DENND2B: variants seen among roughly 807,000 people sequenced by gnomAD.
DENND2B encodes DENN domain-containing protein 2B.
DENND2B carries 32 observed loss-of-function variants against 116.0 expected under a neutral mutation model. The observed-to-expected ratio is 0.28, with a 90% CI of 0.21 to 0.37. The LOEUF is 0.37. Among genes scored for constraint, DENND2B ranks in the 10% least tolerant of loss-of-function variants. The probability of loss-of-function intolerance (pLI) is 1.00; values close to 1 mark genes in which losing one functional copy is unlikely to be tolerated. For synonymous variants in DENND2B, 588 were observed against 583.9 expected, an observed-to-expected ratio of 1.01 and a Z score of -0.10; for missense variants, 1,276 against 1,477.7, an observed-to-expected ratio of 0.86 and a Z score of 2.24.
At chr11:8,708,421 A>G in intron 11 of DENND2B, 1 of 800,922 alleles carries the variant, frequency 1.2e-6, no homozygotes, top group Non-Finnish European at 1.5e-6. Flanking sequence ...GGACTTTACA[A>G]GAGATTTGTG....
At chr11:8,799,553 CTTTTTCTCTTTT>C (rs2060129637) in intron 1 of DENND2B, among the ~76,000 whole-genome samples, 1 of 136,882 alleles carries the variant, frequency 7.3e-6, no homozygotes, top group Admixed American at 8.7e-5. Context: ...TACCATCCTC[CTTTTTCTCTTTT>C]TTTTTTTTTT....
intron 16 of DENND2B, among the ~76,000 whole-genome samples, chr11:8,698,702 C>T (rs1230075925): frequency 2.6e-5 from 4 of 152,260 alleles, no homozygotes; most frequent in South Asian, 2.1e-4. Flanking sequence ...ACTCCCAGGC[C>T]GTGTTCTTCA....
chr11:8,698,907 A>G (rs759599610), intron 16 of DENND2B, 26 bp downstream of exon 16: 48 of 1,613,940 alleles, frequency 3.0e-5, no homozygotes, highest in Middle Eastern at 1.6e-4. Context: ...CAGGAGCCCA[A>G]CTCTAGCAAG....
At chr11:8,825,286 CT>C (rs1182708579) in intron 4 of DENND2B, among the ~76,000 whole-genome samples, 1 of 151,992 alleles carries the variant, frequency 6.6e-6, no homozygotes, top group Non-Finnish European at 1.5e-5. Context: ...TGATGTTGAG[CT>C]TTTTTTCATA....
intron 4 of DENND2B, among the ~76,000 whole-genome samples, chr11:8,831,242 G>T (rs909822376): frequency 2.0e-5 from 3 of 152,132 alleles, no homozygotes; most frequent in African/African-American, 7.2e-5. Context: ...GTATGTAATG[G>T]GTGTAAAATG....
rs533566204 is a variant in DENND2B at position 8,767,467 on chromosome 11, A to G, written c.-25-16742T>C. The stretch of plus-strand genomic sequence containing the variant: ...TCTTAAATTCCATTTGGAGACTATC[A>G]ATTCTTTTTAATTCCTTATTTCTCA... On this transcript the variant is annotated intron_variant, in intron 1 of 19. Coordinates refer to ENST00000313726, the MANE Select transcript of DENND2B (RefSeq NM_213618.2). Among the ~76,000 whole-genome samples, 29 of 152,354 alleles carry G rather than the reference A, an allele frequency of 1.9e-4. 1 individual carries two copies. In the South Asian group the frequency reaches 5.6e-3, roughly 29 times the overall value.
In DENND2B at chr11:8,696,428, C is replaced by T. The variant is rs764628411; in HGVS notation, c.3291G>A (p.Lys1097=). ...AGAGAGCTGATAACCAAGACTTACC[C>T]TTTGCCCGACACTTTCTTAGCTCCC... The part of the protein sequence containing the change: ...QDRELRKCRA[K]GLFEQRVEQY... The change falls in exon 18 of 20, where the codon AAG becomes AAA. Residue 1097 remains lysine, a splice_region_variant and synonymous_variant. Transcript: ENST00000313726. 6.2e-7 allele frequency: 1 copy of T among 1,614,152 alleles called. No individual in the cohort carries two copies. Among genetic ancestry groups the T allele is most frequent in the Non-Finnish European group, 8.5e-7 (1 of 1,180,000 alleles).
In DENND2B at chr11:8,698,938, G is replaced by A. The variant is rs764317951; in HGVS notation, c.2935C>T (p.Arg979Ter). 1 of 1,614,004 alleles carries A rather than the reference G, an allele frequency of 6.2e-7. No individual in the cohort carries two copies. The highest frequency in any genetic ancestry group is 1.7e-5 in the Admixed American group (1 of 60,002). ...GCAAGCACCCACCCTCTTACCTGTCGGATGAATCGGTCAGATCCCAGATTC... is the reference window on the plus strand; with the variant it reads ...GCAAGCACCCACCCTCTTACCTGTCAGATGAATCGGTCAGATCCCAGATTC... Reference protein sequence around the residue: ...MVNLGSDRFIRQMDDEDTLLP... With the variant: ...MVNLGSDRFI Residue 979 changes from arginine (R) to a stop codon, truncating the protein, a stop_gained, in exon 16 of 20, where the codon CGA becomes TGA. Coordinates refer to ENST00000313726, the MANE Select transcript of DENND2B (RefSeq NM_213618.2). LOFTEE classifies it high-confidence loss of function.
At position 8,737,826 on chromosome 11, in the gene DENND2B, T is replaced by C. The variant is rs182590527; in HGVS notation, c.81-6617A>G. Among the ~76,000 whole-genome samples, 14 of 152,054 alleles carry C rather than the reference T, an allele frequency of 9.2e-5. No individual in the cohort carries two copies. In the East Asian group the frequency reaches 2.7e-3, roughly 29 times the overall value. On this transcript the variant is annotated intron_variant, in intron 2 of 19. Transcript: ENST00000313726. ...TCAGGCTGGAGTACATAGCTCACTG[T>C]AACCCAAAAATCCTGGGCTCAAGCC...
Position 8,712,808 on chromosome 11 carries a change from G to T in DENND2B, c.1988-73C>A. On this transcript the variant is annotated intron_variant, in intron 8 of 19. Coordinates refer to ENST00000313726, the MANE Select transcript of DENND2B (RefSeq NM_213618.2). This position sits in a 1 kb window ranked among gnomAD's most constrained non-coding sequence, Gnocchi z 4.4. Reference sequence around the variant, plus strand: ...TTAACTCCTCTACCCCTGGCTCAGGGCTCCATTGCTGTGGAGCACTTTTAA... The same window carrying T: ...TTAACTCCTCTACCCCTGGCTCAGGTCTCCATTGCTGTGGAGCACTTTTAA... 6.8e-7 allele frequency: 1 copy of T among 1,471,034 alleles called. No homozygotes were observed. The allele number at this position is 1,471,034 out of a possible 1,614,324, so 91.1% of individuals were successfully genotyped here.
chr11:8,714,083 C>A, intron 7 of DENND2B, 41 bp from the exon 8 acceptor site: 1 of 1,609,928 alleles, frequency 6.2e-7, no homozygotes, highest in South Asian at 1.1e-5. Context: ...CTGGACCTCA[C>A]AGCCAATGTT....
At chr11:8,729,854 A>C (rs2047792650) in intron 3 of DENND2B, 96 bp downstream of exon 3, 1 of 1,491,084 alleles carries the variant, frequency 6.7e-7, no homozygotes, top group Non-Finnish European at 9.1e-7. Context: ...ACGAAGCACT[A>C]ATGACTGCGA....
chr11:8,787,846 C>G (rs2059050061), intron 1 of DENND2B, among the ~76,000 whole-genome samples: 1 of 152,228 alleles, frequency 6.6e-6, no homozygotes. Flanking sequence ...TAATTTCTAG[C>G]TCATCTACAA....
intron 19 of DENND2B, among the ~76,000 whole-genome samples, chr11:8,695,057 G>A (rs1277548749): frequency 6.6e-6 from 1 of 151,930 alleles, no homozygotes; most frequent in Non-Finnish European, 1.5e-5. Flanking sequence ...GCCAGACCTT[G>A]CCTCTAAAAT....
At chr11:8,833,318 T>A (rs1384982495) in intron 4 of DENND2B, among the ~76,000 whole-genome samples, 1 of 152,184 alleles carries the variant, frequency 6.6e-6, no homozygotes, top group East Asian at 1.9e-4. Flanking sequence ...TGCCTTCCTG[T>A]TATATACTAA....
intron 8 of DENND2B, 134 bp downstream of exon 8, chr11:8,713,864 G>A: frequency 2.3e-6 from 2 of 885,358 alleles, no homozygotes; most frequent in South Asian, 2.9e-5. Flanking sequence ...TATTGTTCTG[G>A]TATCTGGCCT....
At chr11:8,873,403 A>G (rs913672616), upstream of DENND2B, among the ~76,000 whole-genome samples, 1 of 152,220 alleles carries the variant, frequency 6.6e-6, no homozygotes, top group Non-Finnish European at 1.5e-5. Context: ...ATTCTTAGGA[A>G]AAAAACTTCA....
intron 2 of DENND2B, among the ~76,000 whole-genome samples, chr11:8,734,538 G>A (rs986646423): frequency 9.9e-5 from 15 of 151,988 alleles, no homozygotes; most frequent in African/African-American, 2.7e-4. Flanking sequence ...CTGTAATCCC[G>A]GCACTTTGGG....
At chr11:8,904,796 G>C (rs1356578235) in intron 1 of DENND2B, among the ~76,000 whole-genome samples, 1 of 152,036 alleles carries the variant, frequency 6.6e-6, no homozygotes, top group African/African-American at 2.4e-5. Flanking sequence ...AAATGAAATT[G>C]AGAAAACAAT....
Sources: allele counts gnomAD v4.1 joint callset (sites outside exome capture counted in the v4.1 genomes callset), GRCh38; gene constraint gnomAD v4.1.1; non-coding constraint Gnocchi (gnomAD v3.1); transcripts MANE v1.5; gene names NCBI Gene and HGNC (gene_info 2026-07-23, HGNC 2026-07-21).